The following GUCY2F variants were observed in gnomAD, a reference collection of about 807,000 sequenced individuals.
The protein encoded by GUCY2F is retinal guanylyl cyclase 2.
Under a neutral mutation model 73.1 loss-of-function variants are expected in GUCY2F, and 61 were observed. The observed-to-expected ratio is 0.83, with a 90% CI of 0.68 to 1.03. The LOEUF is 1.03. Among genes scored for constraint, GUCY2F ranks in the 50% least tolerant of loss-of-function variants. GUCY2F has a pLI of 0.00. For synonymous variants in GUCY2F, 331 were observed against 307.8 expected (o/e 1.08, Z -0.79); for missense variants, 912 against 854.3 (o/e 1.07, Z -0.84).
At chrX:109,457,214 A>G (rs1932277377) in intron 3 of GUCY2F, among the ~76,000 whole-genome samples, 1 of 112,155 alleles carries the variant, frequency 8.9e-6, no homozygotes, top group African/African-American at 3.2e-5. Flanking sequence ...TTTATCCAAG[A>G]GAATAAGGTC....
At chrX:109,420,225 A>C (rs1377997628) in intron 8 of GUCY2F, among the ~76,000 whole-genome samples, 2 of 105,171 alleles carry the variant, frequency 1.9e-5, no homozygotes, top group Admixed American at 2.1e-4. Flanking sequence ...GCCACCAAAA[A>C]AAAAAAAAGA....
intron 5 of GUCY2F, among the ~76,000 whole-genome samples, chrX:109,450,443 C>A (rs1011794712): frequency 8.9e-6 from 1 of 111,765 alleles, no homozygotes; most frequent in Non-Finnish European, 1.9e-5. Context: ...TGAGTGATTC[C>A]ATTTCCCACA....
intron 8 of GUCY2F, among the ~76,000 whole-genome samples, chrX:109,410,142 A>G (rs1039962302): frequency 5.3e-5 from 6 of 112,295 alleles, no homozygotes; most frequent in Middle Eastern, 4.6e-3. Context: ...ACTGTGGGAT[A>G]ATAAATTAGT....
At chrX:109,463,084 T>G (rs1932394645) in intron 3 of GUCY2F, among the ~76,000 whole-genome samples, 1 of 111,849 alleles carries the variant, frequency 8.9e-6, no homozygotes, top group Non-Finnish European at 1.9e-5. Context: ...CAGCAAAATA[T>G]TTGATATAAA....
At chrX:109,464,055 T>C (rs1267961107) in intron 3 of GUCY2F, among the ~76,000 whole-genome samples, 2 of 112,759 alleles carry the variant, frequency 1.8e-5, no homozygotes, top group East Asian at 5.5e-4. Context: ...TGCAGTATTC[T>C]AGCAAATGCC....
chrX:109,390,905 C>A (rs989776768), intron 14 of GUCY2F, among the ~76,000 whole-genome samples: 2 of 112,622 alleles, frequency 1.8e-5, no homozygotes, highest in Non-Finnish European at 3.8e-5. Flanking sequence ...GGCTCTCTAT[C>A]TGACCTGAAA....
intron 9 of GUCY2F, among the ~76,000 whole-genome samples, chrX:109,408,592 G>A (rs752981465): frequency 5.3e-5 from 6 of 112,380 alleles, no homozygotes; most frequent in Non-Finnish European, 9.4e-5. Flanking sequence ...GAATTCCCAC[G>A]TGTAGTGGGA....
At chrX:109,404,926 C>G (rs1378334756) in intron 9 of GUCY2F, among the ~76,000 whole-genome samples, 1 of 112,351 alleles carries the variant, frequency 8.9e-6, no homozygotes, top group East Asian at 2.8e-4. Flanking sequence ...TCCAGGGGTT[C>G]TACCTCTCCT....
chrX:109,395,291 G>A, intron 12 of GUCY2F, 50 bp downstream of exon 12: 1 of 1,090,245 alleles, frequency 9.2e-7, no homozygotes, highest in Middle Eastern at 2.6e-4. Flanking sequence ...GCCTTGTGTA[G>A]GCTGACTTCA....
intron 8 of GUCY2F, among the ~76,000 whole-genome samples, chrX:109,417,648 A>C (rs1430770509): frequency 1.8e-5 from 2 of 111,456 alleles, no homozygotes; most frequent in Non-Finnish European, 3.8e-5. Context: ...AACTGTATCA[A>C]TAAGTGCCTT....
intron 14 of GUCY2F, among the ~76,000 whole-genome samples, chrX:109,389,429 G>A (rs1242718430): frequency 1.8e-5 from 2 of 112,337 alleles, no homozygotes; most frequent in Non-Finnish European, 1.9e-5. Flanking sequence ...CAGTCAGACT[G>A]TGTTACTACA....
intron 10 of GUCY2F, among the ~76,000 whole-genome samples, chrX:109,402,786 T>C (rs1569359312): frequency 9.0e-6 from 1 of 111,667 alleles, no homozygotes; most frequent in Non-Finnish European, 1.9e-5. Context: ...GCTTCAGTTG[T>C]CTCATCTGTA....
chrX:109,444,137 G>C (rs1261625960), intron 6 of GUCY2F, among the ~76,000 whole-genome samples: 1 of 111,853 alleles, frequency 8.9e-6, no homozygotes, highest in Non-Finnish European at 1.9e-5. Context: ...TATGTCACAA[G>C]GGTGGAATGT....
rs759735317 is a variant in GUCY2F, at chrX:109,441,476, T to C, written c.1576A>G (p.Ser526Gly). Residue 526 changes from serine to glycine, a missense_variant, in exon 7 of 20, where the codon AGT (serine) becomes GGT (glycine). By Grantham distance (56) the Ser-to-Gly change is moderately conservative. Transcript: ENST00000218006. ...ATCTGGAAGCTTACACTGGCACGAC[T>C]TCCTCTCTGTGAAAGGATTAGGAAA... is the stretch of plus-strand genomic sequence containing the variant. Reference protein sequence around the residue: ...INPHFGSKRGSRASVSFQITS... With the variant: ...INPHFGSKRGGRASVSFQITS... 3.4e-6 allele frequency: 4 copies of C among 1,171,263 alleles called. No individual in the cohort carries two copies. Among genetic ancestry groups the C allele is most frequent in the South Asian group, 2.1e-5 (1 of 48,572 alleles).
intron 11 of GUCY2F, 87 bp downstream of exon 11, chrX:109,398,460 ACT>A: frequency 3.6e-6 from 3 of 843,573 alleles, no homozygotes; most frequent in Non-Finnish European, 5.1e-6. Flanking sequence ...TAGCACTAAC[ACT>A]CTTCTGGAAA....
At chrX:109,441,804 CA>C (rs1396616354) in intron 6 of GUCY2F, among the ~76,000 whole-genome samples, 79 of 101,749 alleles carry the variant, frequency 7.8e-4, no homozygotes, top group African/African-American at 2.3e-3. Flanking sequence ...AAAGTAAGAC[CA>C]AAAAAAAAAG....
intron 9 of GUCY2F, among the ~76,000 whole-genome samples, chrX:109,405,767 A>T (rs1177691972): frequency 2.7e-5 from 3 of 111,429 alleles, no homozygotes; most frequent in African/African-American, 9.8e-5. Context: ...CCCTTAACTC[A>T]CTGGGCTTAG....
chrX:109,411,532 A>G (rs1342347452), intron 8 of GUCY2F, among the ~76,000 whole-genome samples: 2 of 111,638 alleles, frequency 1.8e-5, no homozygotes, highest in East Asian at 5.6e-4. Context: ...ACCTGAAAGC[A>G]TTTTCTCCAT....
At position 109,475,220 on chromosome X, in the gene GUCY2F, T is replaced by C. The variant is rs1489431567; in HGVS notation, c.717A>G (p.Ala239=). ...MRKALQRIHQ[A]DRIRIIIMCM... is the part of the protein sequence containing the mutation. ...GAAAGCACTCACTGCGAATTCTGTC[T>C]GCCTGGTGAATCCTCTGGAGGGCTT... The change falls in exon 2 of 20, where the codon GCA becomes GCG. Residue 239 remains alanine (A), a synonymous_variant. Transcript: ENST00000218006. The C allele has an allele frequency of 3.3e-6, 4 of 1,199,183 alleles. No individual in the cohort carries two copies. In the Admixed American group the frequency reaches 6.7e-5, roughly 20 times the overall value.
Sources: allele counts gnomAD v4.1 joint callset (sites outside exome capture counted in the v4.1 genomes callset), GRCh38; gene constraint gnomAD v4.1.1; transcripts MANE v1.5; gene names NCBI Gene and HGNC (gene_info 2026-07-23, HGNC 2026-07-21).